Variants in NUAK1 observed in about 807,000 individuals in gnomAD.
NUAK1 encodes the protein NUAK family SNF1-like kinase 1.
NUAK1 carries 26 observed loss-of-function variants against 56.9 expected under a neutral mutation model. That is an observed-to-expected ratio of 0.46 (90% CI 0.33 to 0.63). The LOEUF (loss-of-function observed/expected upper bound fraction) is 0.63. NUAK1 is among the 30% of genes least tolerant of loss of function. The pLI is 0.02. For missense variants in NUAK1, 727 were observed against 876.1 expected (o/e 0.83, Z 2.15); for synonymous variants, 337 against 336.0 (o/e 1.00, Z -0.03).
chr12:106,082,763 G>A (rs2032530010), intron 4 of NUAK1, among the ~76,000 whole-genome samples: 1 of 152,154 alleles, frequency 6.6e-6, no homozygotes, highest in Non-Finnish European at 1.5e-5. Flanking sequence ...GCCATGATCT[G>A]TACAGAGAAT....
chr12:106,073,292 C>T (rs1003721689), intron 4 of NUAK1, among the ~76,000 whole-genome samples: 2 of 151,872 alleles, frequency 1.3e-5, no homozygotes, highest in African/African-American at 2.4e-5. Flanking sequence ...TATCACACTG[C>T]GGAAAAACCC....
chr12:106,079,186 G>A (rs185303397), intron 4 of NUAK1, among the ~76,000 whole-genome samples: 182 of 152,284 alleles, frequency 1.2e-3, no homozygotes, highest in Non-Finnish European at 1.4e-3. Flanking sequence ...AATGAAATAA[G>A]GTGTGGAAGG....
At chr12:106,119,327 C>T (rs567398957) in intron 1 of NUAK1, among the ~76,000 whole-genome samples, 1 of 152,152 alleles carries the variant, frequency 6.6e-6, no homozygotes, top group Non-Finnish European at 1.5e-5. Context: ...CCCCGACCAG[C>T]CCTATTTACT....
chr12:106,084,322 G>T (rs906820627), intron 3 of NUAK1, among the ~76,000 whole-genome samples: 1 of 152,212 alleles, frequency 6.6e-6, no homozygotes, highest in African/African-American at 2.4e-5. Flanking sequence ...CTCTACTGGG[G>T]ACTCAAGATT....
At chr12:106,078,954 T>C (rs547955526) in intron 4 of NUAK1, among the ~76,000 whole-genome samples, 23 of 152,342 alleles carry the variant, frequency 1.5e-4, no homozygotes, top group Non-Finnish European at 2.6e-4. Context: ...AAGGTAAGGC[T>C]GACCAAAGCA....
At chr12:106,091,660 C>T (rs188679056) in intron 2 of NUAK1, among the ~76,000 whole-genome samples, 5 of 152,248 alleles carry the variant, frequency 3.3e-5, no homozygotes, top group Non-Finnish European at 7.4e-5. Context: ...CCAAACATCG[C>T]CGAGAACAAT....
intron 2 of NUAK1, among the ~76,000 whole-genome samples, chr12:106,102,243 G>C (rs554865839): frequency 6.6e-6 from 1 of 152,178 alleles, no homozygotes; most frequent in Non-Finnish European, 1.5e-5. Context: ...CCTACTTGAG[G>C]TCAGGAATGC....
intron 1 of NUAK1, among the ~76,000 whole-genome samples, chr12:106,110,466 C>T (rs1267363808): frequency 1.3e-5 from 2 of 152,128 alleles, no homozygotes; most frequent in Admixed American, 6.5e-5. Context: ...CAAAGAAATG[C>T]ACAGACATGC....
At chr12:106,089,372 C>A (rs1401352838) in intron 2 of NUAK1, among the ~76,000 whole-genome samples, 1 of 152,218 alleles carries the variant, frequency 6.6e-6, no homozygotes, top group African/African-American at 2.4e-5. Context: ...GGATTCTTCC[C>A]TCTCCAACTG....
Position 106,138,505 on chromosome 12 carries a change from T to C in NUAK1, c.149A>G (p.Asn50Ser), listed in dbSNP as rs764152329. ...HGVKRHHHKH[N>S]LKHRYELQET... ...CTGCAGCTCGTAGCGGTGCTTCAAG[T>C]TGTGCTTGTGGTGATGCCGCTTCAC... Residue 50 changes from asparagine (N) to serine (S), a missense_variant, in exon 1 of 7, where the codon AAC becomes AGC. Coordinates refer to ENST00000261402, the MANE Select transcript of NUAK1 (RefSeq NM_014840.3). This position sits in a 1 kb window ranked among gnomAD's most constrained non-coding sequence, Gnocchi z 5.0. 1 of 1,613,194 alleles carries C rather than the reference T, an allele frequency of 6.2e-7. No homozygotes were observed. The highest frequency in any genetic ancestry group is 1.1e-5 in the South Asian group (1 of 91,056).
chr12:106,093,313 C>T (rs1437059835), intron 2 of NUAK1, among the ~76,000 whole-genome samples: 1 of 152,234 alleles, frequency 6.6e-6, no homozygotes, highest in Admixed American at 6.5e-5. Context: ...TCTTCCCAGA[C>T]ACCAACTTAA....
In NUAK1 at chr12:106,072,942, G is replaced by C. The variant is rs981933033; in HGVS notation, c.580-99C>G. 13 of 1,397,954 alleles carry C rather than the reference G, an allele frequency of 9.3e-6. No individual in the cohort carries two copies. The Admixed American group carries it at 2.3e-4, about 25-fold the overall frequency. The allele number at this position is 1,397,954 out of a possible 1,614,324, so 86.6% of individuals were successfully genotyped here. A position where few individuals can be genotyped will look rare whatever the true frequency, so the allele number is the denominator to read the frequency against. ...ACACAGCACACAGAGTGGATGAAGG[G>C]CACCTGGGTGGGTCTGCTGGCTGGA... On this transcript the variant is annotated intron_variant, in intron 4 of 6. Transcript: ENST00000261402.
intron 2 of NUAK1, chr12:106,105,636 T>C (rs2032792747): frequency 6.6e-6 from 1 of 152,196 alleles, no homozygotes; most frequent in Non-Finnish European, 1.5e-5. Flanking sequence ...GAGAAATAGA[T>C]AAATATAGAG....
At chr12:106,088,826 G>GGC (rs1198920707) in intron 2 of NUAK1, among the ~76,000 whole-genome samples, 1 of 152,170 alleles carries the variant, frequency 6.6e-6, no homozygotes, top group Non-Finnish European at 1.5e-5. Context: ...ACCTACCCTA[G>GGC]GCCTGGGTCC....
chr12:106,095,060 T>C (rs1349717955), intron 2 of NUAK1, among the ~76,000 whole-genome samples: 1 of 152,130 alleles, frequency 6.6e-6, no homozygotes, highest in Non-Finnish European at 1.5e-5. Context: ...AGGCTCATGA[T>C]ACACACTCCA....
chr12:106,130,666 C>T (rs564505478), intron 1 of NUAK1, among the ~76,000 whole-genome samples: 1 of 152,324 alleles, frequency 6.6e-6, no homozygotes, highest in East Asian at 1.9e-4. Context: ...GTGAATGGGC[C>T]CCAGCCCGCG....
Position 106,138,373 on chromosome 12 carries a change from C to A in NUAK1, c.240+41G>T. The A allele has an allele frequency of 6.4e-7, 1 of 1,560,596 alleles. No individual in the cohort carries two copies. Among genetic ancestry groups the A allele is most frequent in the Non-Finnish European group, 8.6e-7 (1 of 1,158,480 alleles). ...CACGCCCTCAGTCCCCGGCCGCGTCCACCCAGCGCCCCCCGCACCCTCCAG... is the reference window on the plus strand; with the variant it reads ...CACGCCCTCAGTCCCCGGCCGCGTCAACCCAGCGCCCCCCGCACCCTCCAG... On this transcript the variant is annotated intron_variant, in intron 1 of 6. Coordinates refer to ENST00000261402, the MANE Select transcript of NUAK1 (RefSeq NM_014840.3). The surrounding 1 kb of genome is among the most constrained non-coding windows in gnomAD (Gnocchi z 5.0).
chr12:106,087,922 T>C (rs1362538202), intron 2 of NUAK1, among the ~76,000 whole-genome samples: 3 of 152,224 alleles, frequency 2.0e-5, no homozygotes, highest in Non-Finnish European at 4.4e-5. Flanking sequence ...GCAGGGCCGC[T>C]GCTACTATGA....
intron 1 of NUAK1, among the ~76,000 whole-genome samples, chr12:106,126,741 G>C (rs141873547): frequency 3.2e-3 from 482 of 152,226 alleles, no homozygotes; most frequent in Admixed American, 6.2e-3. Flanking sequence ...CTCATCCCTG[G>C]AATCTTGCCT....
Sources: allele counts gnomAD v4.1 joint callset (sites outside exome capture counted in the v4.1 genomes callset), GRCh38; gene constraint gnomAD v4.1.1; non-coding constraint Gnocchi (gnomAD v3.1); transcripts MANE v1.5; gene names NCBI Gene and HGNC (gene_info 2026-07-23, HGNC 2026-07-21).